Variants in BRSK1 observed in about 807,000 individuals in gnomAD.
BRSK1 encodes the protein BR serine/threonine kinase 1, also known as serine/threonine-protein kinase BRSK1.
BRSK1 carries 17 observed loss-of-function variants against 86.2 expected under a neutral mutation model. The observed-to-expected ratio is 0.20, with a 90% CI of 0.14 to 0.30. The LOEUF is 0.30. Among genes scored for constraint, BRSK1 ranks in the 10% least tolerant of loss-of-function variants. BRSK1 has a pLI of 1.00. For missense variants in BRSK1, 719 were observed against 1,071.9 expected (o/e 0.67, Z 4.60); for synonymous variants, 464 against 440.1 (o/e 1.05, Z -0.68).
chr19:55,289,507 G>T lies in BRSK1; in HGVS notation c.345G>T (p.Gly115=). Residue 115 remains glycine (G), a synonymous_variant, in exon 4 of 19, where the codon GGG becomes GGT. Transcript: ENST00000309383. The stretch of plus-strand genomic sequence containing the variant: ...ACCTGGTTCTGGAGCACGTCTCGGG[G>T]GGTGAGCTATTCGACTACCTGGTAA... ...YLYLVLEHVS[G]GELFDYLVKK... 6.2e-7 allele frequency: 1 copy of T among 1,613,974 alleles called. No individual in the cohort carries two copies. The highest frequency in any genetic ancestry group is 8.5e-7 in the Non-Finnish European group (1 of 1,179,960).
chr19:55,301,429 G>T, intron 7 of BRSK1, 83 bp from the exon 8 acceptor site: 1 of 1,505,004 alleles, frequency 6.6e-7, no homozygotes, highest in South Asian at 1.2e-5. Context: ...CCTTAAGGTG[G>T]AGATCACCGT....
chr19:55,306,394 G>A lies in BRSK1; in HGVS notation c.2033G>A (p.Arg678Gln), dbSNP rs201425077. 19 of 1,613,962 alleles carry A rather than the reference G, an allele frequency of 1.2e-5. No individual in the cohort carries two copies. Among genetic ancestry groups the A allele is most frequent in the Admixed American group, 3.3e-5 (2 of 60,010 alleles). ...SSSEGPEPSP[R>Q]RDGSGGGGIY... ...TCTGAGGGTCCAGAGCCCTCCCCGC[G>A]ACGGGACGGCAGCGGAGGTGGTGGC... The change falls in exon 17 of 19, where the codon CGA becomes CAA. Residue 678 changes from arginine (R) to glutamine (Q), a missense_variant. Transcript: ENST00000309383. The surrounding 1 kb of genome is among the most constrained non-coding windows in gnomAD (Gnocchi z 4.7).
chr19:55,286,654 G>T lies in BRSK1; in HGVS notation c.137-353G>T, dbSNP rs187662927. ...ATTGATGGAGAGAGACAGAGAAAGT[G>T]GGGGGGCGGGGGCTTGGAGGAGACA... On this transcript the variant is annotated intron_variant, in intron 1 of 18. Transcript: ENST00000309383. Among the ~76,000 whole-genome samples, 936 of 151,714 alleles carry T rather than the reference G, an allele frequency of 6.2e-3. 2 individuals carry two copies. Among genetic ancestry groups the T allele is most frequent in the African/African-American group, 0.021 (887 of 41,286 alleles).
At chr19:55,289,443 G>A (rs1197876953) in intron 3 of BRSK1, 37 bp from the exon 4 acceptor site, 1 of 1,589,624 alleles carries the variant, frequency 6.3e-7, no homozygotes, top group Non-Finnish European at 8.6e-7. Flanking sequence ...TCCTCCACAT[G>A]CCCCTTCCAG....
At chr19:55,305,217 A>AC in intron 14 of BRSK1, 104 bp from the exon 15 acceptor site, 5 of 1,473,358 alleles carry the variant, frequency 3.4e-6, no homozygotes, top group Non-Finnish European at 4.7e-6. Context: ...CGAGGCTGCA[A>AC]CCCAAGGCTC....
At chr19:55,301,284 G>C (rs542107763) in intron 7 of BRSK1, among the ~76,000 whole-genome samples, 6 of 152,282 alleles carry the variant, frequency 3.9e-5, no homozygotes, top group African/African-American at 1.4e-4. Flanking sequence ...TGTCTAAAAG[G>C]AACAGCCTCC....
chr19:55,284,883 G>A (rs1600166465), intron 1 of BRSK1, among the ~76,000 whole-genome samples: 1 of 150,700 alleles, frequency 6.6e-6, no homozygotes, highest in Non-Finnish European at 1.5e-5. Flanking sequence ...TTTCAGGGAG[G>A]AGGGCCTGGG....
chr19:55,312,126 C>G lies in BRSK1; in HGVS notation c.*58C>G. The G allele has an allele frequency of 1.4e-6, 1 of 724,348 alleles. No homozygotes were observed. The allele number at this position is 724,348 out of a possible 1,614,324, so 44.9% of individuals were successfully genotyped here. On this transcript the variant is annotated 3_prime_UTR_variant, in exon 19 of 19. Coordinates refer to ENST00000309383, the MANE Select transcript of BRSK1 (RefSeq NM_032430.2). ...TCCACCCCCCTTCCGTGCCCCCCAA[C>G]TGTGAATCTGTAAATAAGGCCCAAG...
chr19:55,284,173 G>C lies in BRSK1; in HGVS notation c.-270G>C. The stretch of plus-strand genomic sequence containing the variant: ...GGGGAGGCGCAGGAAGCGGGGGGCC[G>C]GCCAGAAACGGGCTGGGGAGGGGGG... On this transcript the variant is annotated 5_prime_UTR_variant, in exon 1 of 19. Coordinates refer to ENST00000309383, the MANE Select transcript of BRSK1 (RefSeq NM_032430.2). The C allele has an allele frequency of 1.0e-6, 1 of 999,086 alleles. No individual in the cohort carries two copies. Among genetic ancestry groups the C allele is most frequent in the Non-Finnish European group, 1.3e-6 (1 of 777,302 alleles). The allele number at this position is 999,086 out of a possible 1,614,324, so 61.9% of individuals were successfully genotyped here.
In BRSK1 at chr19:55,287,255, A is replaced by G. The variant is rs1044281093; in HGVS notation, c.273A>G (p.Pro91=). The change falls in exon 3 of 19, where the codon CCA becomes CCG. Residue 91 remains proline (P), a synonymous_variant. Transcript: ENST00000309383. This position sits in a 1 kb window ranked among gnomAD's most constrained non-coding sequence, Gnocchi z 5.3. ...EIAILKLIEH[P]HVLKLHDVYE... ...CCATCCTGAAGCTCATCGAACACCC[A>G]CATGTCCTCAAGCTCCACGACGTCT... 2.5e-6 allele frequency: 4 copies of G among 1,613,868 alleles called. No homozygotes were observed. The African/African-American group carries it at 4.0e-5, about 16-fold the overall frequency.
In BRSK1 at chr19:55,303,061, G is replaced by A. The variant is rs1002810663; in HGVS notation, c.1028+194G>A. ...CTGAGAAAGTATTAATAGATGCTGC[G>A]ACATAGTACTTACATATACATAGTA... is the stretch of plus-strand genomic sequence containing the variant. On this transcript the variant is annotated intron_variant, in intron 10 of 18. Transcript: ENST00000309383. This position sits in a 1 kb window ranked among gnomAD's most constrained non-coding sequence, Gnocchi z 5.1. The A allele has an allele frequency of 2.3e-5, 16 of 681,988 alleles. No homozygotes were observed. The highest frequency in any genetic ancestry group is 1.8e-4 in the South Asian group (9 of 50,534). 42.2% of individuals were successfully genotyped at this position (681,988 alleles called of 1,614,324 possible).
chr19:55,303,956 C>T lies in BRSK1; in HGVS notation c.1287-94C>T, dbSNP rs2088608988. On this transcript the variant is annotated intron_variant, in intron 12 of 18. Coordinates refer to ENST00000309383, the MANE Select transcript of BRSK1 (RefSeq NM_032430.2). This position sits in a 1 kb window ranked among gnomAD's most constrained non-coding sequence, Gnocchi z 5.1. ...CACCTCCCCTCTCTGGGCCTCATTT[C>T]CTCACCTGGAAGGACTGTAGAAGTG... 1.3e-6 allele frequency: 2 copies of T among 1,513,584 alleles called. No homozygotes were observed. The highest frequency in any genetic ancestry group is 2.3e-5 in the East Asian group (1 of 42,976). 93.8% of individuals were successfully genotyped at this position (1,513,584 alleles called of 1,614,324 possible). A position where few individuals can be genotyped will look rare whatever the true frequency, so the allele number is the denominator to read the frequency against.
chr19:55,296,153 C>A (rs774232769), intron 7 of BRSK1, among the ~76,000 whole-genome samples: 2 of 152,022 alleles, frequency 1.3e-5, no homozygotes, highest in African/African-American at 2.4e-5. Context: ...TCCTCCTCCC[C>A]ACTCCTGTAA....
In BRSK1 at chr19:55,302,027, G is replaced by A. The variant is rs921712922; in HGVS notation, c.826-110G>A. Reference sequence around the variant, plus strand: ...TAATATGTCATCCTGCCCCCGGTGGGGTGGGCGGGGAGATGATCAGGGACC... The same window carrying A: ...TAATATGTCATCCTGCCCCCGGTGGAGTGGGCGGGGAGATGATCAGGGACC... On this transcript the variant is annotated intron_variant, in intron 8 of 18. Coordinates refer to ENST00000309383, the MANE Select transcript of BRSK1 (RefSeq NM_032430.2). This position sits in a 1 kb window ranked among gnomAD's most constrained non-coding sequence, Gnocchi z 6.3. The A allele has an allele frequency of 9.8e-6, 12 of 1,228,228 alleles. No homozygotes were observed. Among genetic ancestry groups the A allele is most frequent in the East Asian group, 4.6e-5 (2 of 43,148 alleles). The allele number at this position is 1,228,228 out of a possible 1,614,324, so 76.1% of individuals were successfully genotyped here.
chr19:55,302,494 C>A lies in BRSK1; in HGVS notation c.858-203C>A. 1 of 673,232 alleles carries A rather than the reference C, an allele frequency of 1.5e-6. No homozygotes were observed. The highest frequency in any genetic ancestry group is 2.5e-6 in the Non-Finnish European group (1 of 407,246). 41.7% of individuals were successfully genotyped at this position (673,232 alleles called of 1,614,324 possible). A position where few individuals can be genotyped will look rare whatever the true frequency, so the allele number is the denominator to read the frequency against. ...GGAGGGGCCGGGGGCCTGGACCCCT[C>A]GGTCGGAGGGAAAAGGGGCTGGAGG... On this transcript the variant is annotated intron_variant, in intron 9 of 18. Coordinates refer to ENST00000309383, the MANE Select transcript of BRSK1 (RefSeq NM_032430.2). The surrounding 1 kb of genome is among the most constrained non-coding windows in gnomAD (Gnocchi z 6.3).
At position 55,284,262 on chromosome 19, in the gene BRSK1, T is replaced by A. The variant is rs1201856177; in HGVS notation, c.-181T>A. On this transcript the variant is annotated 5_prime_UTR_variant, in exon 1 of 19. Coordinates refer to ENST00000309383, the MANE Select transcript of BRSK1 (RefSeq NM_032430.2). ...CTGACCCCCCCGGGCCAGCCCCCCC[T>A]CCCCCAGCTCCGCGGCCCGCCGACT... is the stretch of plus-strand genomic sequence containing the variant. The A allele has an allele frequency of 4.4e-6, 2 of 450,298 alleles. No individual in the cohort carries two copies. Among genetic ancestry groups the A allele is most frequent in the African/African-American group, 2.1e-5 (1 of 46,968 alleles). 27.9% of individuals were successfully genotyped at this position (450,298 alleles called of 1,614,324 possible). A position where few individuals can be genotyped will look rare whatever the true frequency, so the allele number is the denominator to read the frequency against.
chr19:55,284,441 C>G lies in BRSK1; in HGVS notation c.-2C>G. ...ACCGGTCGGGCCGGGACCAAGGGCA[C>G]CATGTCGTCCGGGGCCAAGGAGGGA... On this transcript the variant is annotated 5_prime_UTR_variant, in exon 1 of 19. Coordinates refer to ENST00000309383, the MANE Select transcript of BRSK1 (RefSeq NM_032430.2). 1.6e-6 allele frequency: 2 copies of G among 1,279,084 alleles called. No individual in the cohort carries two copies. Among genetic ancestry groups the G allele is most frequent in the Non-Finnish European group, 2.0e-6 (2 of 989,948 alleles). 79.2% of individuals were successfully genotyped at this position (1,279,084 alleles called of 1,614,324 possible).
chr19:55,284,492 T>TACCCCCCCCC lies in BRSK1; in HGVS notation c.50_51insACCCCCCCCC (p.His19ProfsTer34). 2.6e-6 allele frequency: 2 copies of TACCCCCCCCC among 776,248 alleles called. No homozygotes were observed. Among genetic ancestry groups the TACCCCCCCCC allele is most frequent in the South Asian group, 2.8e-5 (1 of 35,096 alleles). 48.1% of individuals were successfully genotyped at this position (776,248 alleles called of 1,614,324 possible). On this transcript the variant is annotated frameshift_variant, in exon 1 of 19. Transcript: ENST00000309383. LOFTEE classifies it high-confidence loss of function. ...GGTGGGGGCTCTCCCGCCTACCACC[T>TACCCCCCCCC]CCCCCACCCCCACCCCCACCCACCC...
intron 16 of BRSK1, 80 bp downstream of exon 16, chr19:55,305,666 C>T (rs1464962770): frequency 6.3e-7 from 1 of 1,592,110 alleles, no homozygotes; most frequent in Non-Finnish European, 8.6e-7. Context: ...ACCACCTTAG[C>T]ATAGGCCTGG....
Sources: allele counts gnomAD v4.1 joint callset (sites outside exome capture counted in the v4.1 genomes callset), GRCh38; gene constraint gnomAD v4.1.1; non-coding constraint Gnocchi (gnomAD v3.1); transcripts MANE v1.5; gene names NCBI Gene and HGNC (gene_info 2026-07-23, HGNC 2026-07-21).